Variants in CDK14 observed in about 807,000 individuals in gnomAD.
CDK14 encodes the protein cyclin-dependent kinase 14.
Under a neutral mutation model 60.7 loss-of-function variants are expected in CDK14, and 34 were observed. The observed-to-expected ratio is 0.56, with a 90% CI of 0.43 to 0.75. The LOEUF (loss-of-function observed/expected upper bound fraction) is 0.75, where lower values mean the gene tolerates loss of function less well. Among genes scored for constraint, CDK14 ranks in the 30% least tolerant of loss-of-function variants. The pLI, the probability that CDK14 is intolerant of heterozygous loss-of-function variation, is 0.00. For synonymous variants in CDK14, 197 were observed against 203.7 expected (o/e 0.97, Z 0.28); for missense variants, 482 against 564.1 (o/e 0.85, Z 1.47).
chr7:90,855,550 C>A (rs1264778398), intron 5 of CDK14, among the ~76,000 whole-genome samples: 1 of 152,146 alleles, frequency 6.6e-6, no homozygotes, highest in East Asian at 1.9e-4. Context: ...TCAGCTATAA[C>A]TATAATTTGA....
chr7:90,790,160 A>G (rs1474108768), intron 4 of CDK14, among the ~76,000 whole-genome samples: 1 of 151,384 alleles, frequency 6.6e-6, no homozygotes, highest in Non-Finnish European at 1.5e-5. Context: ...GAATTGAATG[A>G]CCTCAGCTAA....
chr7:91,030,891 T>C (rs1176485203), intron 10 of CDK14, among the ~76,000 whole-genome samples: 1 of 152,198 alleles, frequency 6.6e-6, no homozygotes, highest in Admixed American at 6.5e-5. Flanking sequence ...AGTTGCTGCC[T>C]CTGGCTAAGG....
At chr7:90,942,339 C>T (rs954334260) in intron 8 of CDK14, among the ~76,000 whole-genome samples, 4 of 152,062 alleles carry the variant, frequency 2.6e-5, no homozygotes, top group South Asian at 2.1e-4. Context: ...CAGCACATAA[C>T]GTTTATACAA....
intron 11 of CDK14, among the ~76,000 whole-genome samples, chr7:91,061,495 G>A (rs1014745876): frequency 6.6e-6 from 1 of 152,134 alleles, no homozygotes; most frequent in South Asian, 2.1e-4. Flanking sequence ...AAAATTTTCA[G>A]TTTTTCTGCT....
chr7:91,118,345 A>C (rs1299059296), intron 14 of CDK14, 137 bp downstream of exon 14: 1 of 501,902 alleles, frequency 2.0e-6, no homozygotes, highest in Non-Finnish European at 3.6e-6. Context: ...CATCAGACCT[A>C]TTGAGATAGA....
intron 9 of CDK14, among the ~76,000 whole-genome samples, chr7:90,983,865 A>G (rs1020465654): frequency 2.0e-5 from 3 of 152,008 alleles, no homozygotes; most frequent in Non-Finnish European, 2.9e-5. Flanking sequence ...AGACTACTAG[A>G]AGGAGGAGGA....
At chr7:90,781,734 C>T (rs372875871) in intron 4 of CDK14, among the ~76,000 whole-genome samples, 70 of 150,846 alleles carry the variant, frequency 4.6e-4, no homozygotes, top group Middle Eastern at 6.8e-3. Context: ...TGTAGATATG[C>T]GGCATTATTT....
intron 14 of CDK14, among the ~76,000 whole-genome samples, chr7:91,193,346 C>G (rs998681197): frequency 6.6e-6 from 1 of 152,112 alleles, no homozygotes; most frequent in African/African-American, 2.4e-5. Context: ...AGCAACTTCT[C>G]TTGGCATTCA....
At chr7:90,745,360 GA>G (rs1212531806) in intron 3 of CDK14, among the ~76,000 whole-genome samples, 1 of 152,072 alleles carries the variant, frequency 6.6e-6, no homozygotes, top group African/African-American at 2.4e-5. Context: ...TTTTAATTTT[GA>G]AAATATTGCT....
chr7:90,687,564 T>G (rs1188823281), intron 2 of CDK14, among the ~76,000 whole-genome samples: 1 of 151,994 alleles, frequency 6.6e-6, no homozygotes, highest in Non-Finnish European at 1.5e-5. Flanking sequence ...AAGATAATAA[T>G]GGATCTAGAT....
intron 4 of CDK14, among the ~76,000 whole-genome samples, chr7:90,775,456 A>G (rs995363031): frequency 2.6e-5 from 4 of 151,688 alleles, no homozygotes; most frequent in African/African-American, 9.7e-5. Context: ...GGGAAAAAAA[A>G]GCTACTACAG....
chr7:90,975,319 A>T (rs1233632678), intron 9 of CDK14, among the ~76,000 whole-genome samples: 8 of 151,904 alleles, frequency 5.3e-5, no homozygotes. Flanking sequence ...TATTTCTTCA[A>T]ATACTTTCAT....
At chr7:90,663,804 A>T (rs1055469142) in intron 2 of CDK14, among the ~76,000 whole-genome samples, 1 of 152,234 alleles carries the variant, frequency 6.6e-6, no homozygotes, top group Non-Finnish European at 1.5e-5. Flanking sequence ...GTGAAAATTA[A>T]TTACACTATA....
intron 6 of CDK14, among the ~76,000 whole-genome samples, chr7:90,876,407 G>C (rs1791564797): frequency 6.6e-6 from 1 of 152,192 alleles, no homozygotes; most frequent in African/African-American, 2.4e-5. Context: ...GCAGTTATCT[G>C]TATAAGCAGA....
intron 2 of CDK14, among the ~76,000 whole-genome samples, chr7:90,696,338 T>TCTTC (rs61542847): frequency 4.4e-3 from 435 of 99,500 alleles, no homozygotes; most frequent in African/African-American, 8.6e-3. Flanking sequence ...TTCTTCTTCT[T>TCTTC]TTTTTTTTTT....
intron 2 of CDK14, chr7:90,666,239 G>C (rs1287055381): frequency 2.0e-5 from 3 of 152,148 alleles, no homozygotes; most frequent in Non-Finnish European, 2.9e-5. Flanking sequence ...TCCAGGCCCA[G>C]CTCAGATATC....
chr7:90,686,656 A>G (rs1285889752), intron 2 of CDK14, among the ~76,000 whole-genome samples: 2 of 152,180 alleles, frequency 1.3e-5, no homozygotes, highest in East Asian at 3.8e-4. Context: ...GTTGTCAACT[A>G]AATGAATTAA....
intron 5 of CDK14, among the ~76,000 whole-genome samples, chr7:90,811,962 AAAC>A (rs1363083644): frequency 1.3e-5 from 2 of 152,326 alleles, no homozygotes; most frequent in Admixed American, 6.5e-5. Flanking sequence ...AAAAGTCAGG[AAAC>A]AACAGGTGCT....
At chr7:90,950,793 G>A (rs1471914635) in intron 8 of CDK14, among the ~76,000 whole-genome samples, 3 of 152,198 alleles carry the variant, frequency 2.0e-5, no homozygotes, top group Non-Finnish European at 4.4e-5. Context: ...GGGATCATCA[G>A]TATATATAGA....
Sources: gnomAD v4.1 joint callset for allele counts (sites outside exome capture counted in the v4.1 genomes callset) on GRCh38, gnomAD v4.1.1 for gene constraint, MANE v1.5 for transcripts, NCBI Gene and HGNC (gene_info 2026-07-23, HGNC 2026-07-21) for gene names.